WWOX: variants seen among roughly 807,000 people sequenced by gnomAD.
The protein encoded by WWOX is WW domain-containing oxidoreductase.
Under a neutral mutation model 46.2 loss-of-function variants are expected in WWOX, and 69 were observed. The ratio of observed to expected loss-of-function variants is 1.49; its 90% CI spans 1.23 to 1.82. The LOEUF is 1.82. WWOX is among the 40% of genes most tolerant of loss of function. The pLI is 0.00. For missense variants in WWOX, 919 were observed against 542.6 expected (o/e 1.69, Z -6.89); for synonymous variants, 359 against 202.6 (o/e 1.77, Z -6.56).
chr16:79,161,878 G>A (rs937868049), intron 8 of WWOX, among the ~76,000 whole-genome samples: 2 of 152,136 alleles, frequency 1.3e-5, no homozygotes, highest in Non-Finnish European at 2.9e-5. Context: ...TCTTGGATTT[G>A]TTTCTTTGAG....
chr16:78,241,282 T>A (rs1362017189), intron 5 of WWOX: 1 of 127,256 alleles, frequency 7.9e-6, no homozygotes, highest in Admixed American at 7.6e-5. Flanking sequence ...TTATTATCAT[T>A]TGTGTTTTTT....
intron 8 of WWOX, among the ~76,000 whole-genome samples, chr16:78,770,126 C>T (rs574004519): frequency 1.6e-3 from 239 of 152,068 alleles, no homozygotes; most frequent in African/African-American, 5.5e-3. Context: ...ACGAGGTGGG[C>T]CAATCACTGA....
At chr16:78,589,590 T>C (rs902871113) in intron 8 of WWOX, among the ~76,000 whole-genome samples, 5 of 152,278 alleles carry the variant, frequency 3.3e-5, no homozygotes, top group Admixed American at 1.3e-4. Context: ...GGCCCTTGGT[T>C]AAGTTACAGT....
At chr16:78,971,350 A>G (rs1472865832) in intron 8 of WWOX, among the ~76,000 whole-genome samples, 1 of 150,324 alleles carries the variant, frequency 6.7e-6, no homozygotes, top group Non-Finnish European at 1.5e-5. Context: ...AGCTACTCAG[A>G]AGGCTGAGGC....
At chr16:78,953,921 A>T (rs2046113630) in intron 8 of WWOX, among the ~76,000 whole-genome samples, 1 of 152,204 alleles carries the variant, frequency 6.6e-6, no homozygotes, top group Admixed American at 6.5e-5. Flanking sequence ...TTTATTAATT[A>T]CTTCAGTAGT....
At chr16:78,157,357 C>G (rs921995043) in intron 4 of WWOX, among the ~76,000 whole-genome samples, 27 of 152,308 alleles carry the variant, frequency 1.8e-4, no homozygotes, top group African/African-American at 4.6e-4. Context: ...TTTTACTTCT[C>G]TCATTTTCCC....
At chr16:79,137,748 C>T (rs117692839) in intron 8 of WWOX, among the ~76,000 whole-genome samples, 5 of 152,198 alleles carry the variant, frequency 3.3e-5, no homozygotes, top group East Asian at 3.9e-4. Flanking sequence ...TGCTCTCCAG[C>T]CTGGCCTCTG....
chr16:78,732,715 C>T (rs907245177), intron 8 of WWOX, among the ~76,000 whole-genome samples: 2 of 151,972 alleles, frequency 1.3e-5, no homozygotes, highest in Non-Finnish European at 2.9e-5. Context: ...TGACTCAACT[C>T]CCTTGGTTAA....
intron 8 of WWOX, among the ~76,000 whole-genome samples, chr16:79,044,683 T>C (rs894884090): frequency 2.6e-5 from 4 of 152,246 alleles, no homozygotes; most frequent in African/African-American, 9.6e-5. Flanking sequence ...GGTAATTCTT[T>C]ATAGCAATGC....
At chr16:78,545,716 C>G (rs915849665) in intron 8 of WWOX, among the ~76,000 whole-genome samples, 3 of 152,154 alleles carry the variant, frequency 2.0e-5, no homozygotes, top group African/African-American at 4.8e-5. Flanking sequence ...ACATTAGAAA[C>G]TTACTGTCTC....
intron 8 of WWOX, among the ~76,000 whole-genome samples, chr16:78,796,230 C>T (rs566225117): frequency 1.4e-3 from 209 of 152,346 alleles, no homozygotes; most frequent in African/African-American, 4.9e-3. Flanking sequence ...TTAGTATAGA[C>T]ATTCAGCAAC....
intron 8 of WWOX, among the ~76,000 whole-genome samples, chr16:78,679,197 A>C (rs1012063195): frequency 1.3e-5 from 2 of 150,208 alleles, no homozygotes; most frequent in African/African-American, 4.8e-5. Context: ...AATAGATTAC[A>C]GGTGCCCGAG....
intron 8 of WWOX, among the ~76,000 whole-genome samples, chr16:78,468,680 A>G (rs2084145116): frequency 6.6e-6 from 1 of 152,202 alleles, no homozygotes; most frequent in South Asian, 2.1e-4. Context: ...AGCCTACGTT[A>G]CTGCACCTGT....
At chr16:78,384,073 G>A (rs1193763317) in intron 5 of WWOX, among the ~76,000 whole-genome samples, 1 of 152,124 alleles carries the variant, frequency 6.6e-6, no homozygotes, top group African/African-American at 2.4e-5. Context: ...ACTGCTTTGG[G>A]GTCGCCATCT....
intron 8 of WWOX, among the ~76,000 whole-genome samples, chr16:78,829,939 T>C (rs2051770466): frequency 6.6e-6 from 1 of 152,022 alleles, no homozygotes; most frequent in Admixed American, 6.6e-5. Context: ...AGAGGAAAAA[T>C]GATGTGAGGT....
chr16:78,657,386 C>G (rs1048427154), intron 8 of WWOX, among the ~76,000 whole-genome samples: 1 of 152,130 alleles, frequency 6.6e-6, no homozygotes, highest in Non-Finnish European at 1.5e-5. Flanking sequence ...TGTAAAGGAG[C>G]CTGTGCTTCC....
intron 8 of WWOX, among the ~76,000 whole-genome samples, chr16:78,523,882 G>A (rs1298067167): frequency 6.6e-6 from 1 of 152,218 alleles, no homozygotes; most frequent in Admixed American, 6.5e-5. Flanking sequence ...TTAGGATGAA[G>A]AAATTACAGG....
At chr16:79,137,461 C>T (rs775476619) in intron 8 of WWOX, among the ~76,000 whole-genome samples, 1 of 152,160 alleles carries the variant, frequency 6.6e-6, no homozygotes, top group Non-Finnish European at 1.5e-5. Flanking sequence ...TCTAAAATGT[C>T]AGAAAGTTTA....
At chr16:78,879,518 T>A (rs1035365528) in intron 8 of WWOX, among the ~76,000 whole-genome samples, 15 of 151,756 alleles carry the variant, frequency 9.9e-5, no homozygotes, top group Middle Eastern at 3.4e-3. Context: ...AAAAAAAAAA[T>A]TTGGCCTTTG....
Sources: allele counts gnomAD v4.1 joint callset (sites outside exome capture counted in the v4.1 genomes callset), GRCh38; gene constraint gnomAD v4.1.1; transcripts MANE v1.5; gene names NCBI Gene and HGNC (gene_info 2026-07-23, HGNC 2026-07-21).